Variants in ATP1A3 observed in about 807,000 individuals in gnomAD.
ATP1A3 encodes sodium/potassium-transporting ATPase subunit alpha-3.
Under a neutral mutation model 108.8 loss-of-function variants are expected in ATP1A3, and 12 were observed. The ratio of observed to expected loss-of-function variants is 0.11; its 90% confidence interval spans 0.07 to 0.18. The LOEUF (loss-of-function observed/expected upper bound fraction) is 0.18. Ranked by LOEUF, ATP1A3 falls within the 10% of genes least tolerant of loss-of-function variation. The probability of loss-of-function intolerance (pLI) is 1.00; values close to 1 mark genes in which losing one functional copy is unlikely to be tolerated. For synonymous variants in ATP1A3, 539 were observed against 564.5 expected (o/e 0.95, Z 0.64); for missense variants, 498 against 1,387.7 (o/e 0.36, Z 10.19).
At position 41,988,423 on chromosome 19, in the gene ATP1A3, C is replaced by T; in HGVS notation, c.94-46G>A. On this transcript the variant is annotated intron_variant, in intron 2 of 22. Coordinates refer to ENST00000648268, the MANE Select transcript of ATP1A3 (RefSeq NM_152296.5). This position sits in a 1 kb window ranked among gnomAD's most constrained non-coding sequence, Gnocchi z 5.3. ...GGAGACGGTGAGTGCCTAGGCCAGC[C>T]AAGAACTGGCGAGGTTCTCTGGGAG... is the stretch of plus-strand genomic sequence containing the variant. The T allele has an allele frequency of 1.2e-6, 2 of 1,614,162 alleles. No homozygotes were observed. The highest frequency in any genetic ancestry group is 1.7e-6 in the Non-Finnish European group (2 of 1,180,020).
chr19:41,970,174 C>G lies in ATP1A3; in HGVS notation c.2542+11G>C. ...CTGGGTGGTAAGGAGATGGAGTCCC[C>G]GGTGCCTCACCAATCTGCCCGTAGG... On this transcript the variant is annotated intron_variant, in intron 18 of 22. Coordinates refer to ENST00000648268, the MANE Select transcript of ATP1A3 (RefSeq NM_152296.5). The G allele has an allele frequency of 6.2e-7, 1 of 1,614,210 alleles. No homozygotes were observed. The highest frequency in any genetic ancestry group is 8.5e-7 in the Non-Finnish European group (1 of 1,180,036).
rs561871367 is a variant in ATP1A3 at position 41,970,951 on chromosome 19, C to T, written c.2264-409G>A. 7.0e-4 allele frequency among the ~76,000 whole-genome samples: 106 copies of T among 150,926 alleles called. 1 individual carries two copies. Among genetic ancestry groups the T allele is most frequent in the African/African-American group, 2.5e-3 (103 of 41,124 alleles). On this transcript the variant is annotated intron_variant, in intron 16 of 22. Coordinates refer to ENST00000648268, the MANE Select transcript of ATP1A3 (RefSeq NM_152296.5). ...CCGGCCTGTCCAGCGTCCTTTTCTA[C>T]CCCCCAGCCCACCCACCATTATTTT...
chr19:41,993,649 G>A lies in ATP1A3; in HGVS notation c.6+422C>T, dbSNP rs2075361373. The A allele has an allele frequency of 3.5e-5, 23 of 662,432 alleles. No individual in the cohort carries two copies. In the South Asian group the frequency reaches 3.9e-4, roughly 11 times the overall value. The allele number at this position is 662,432 out of a possible 1,614,324, so 41.0% of individuals were successfully genotyped here. On this transcript the variant is annotated intron_variant, in intron 1 of 22. Transcript: ENST00000648268. ...TCCGCACCCTGCCAGGGAAGCAGGG[G>A]GGCCTCAATAACCCCAGACGCACTA...
intron 18 of ATP1A3, 39 bp from the exon 19 acceptor site, chr19:41,969,619 T>A: frequency 6.2e-7 from 1 of 1,611,358 alleles, no homozygotes; most frequent in Non-Finnish European, 8.5e-7. Flanking sequence ...GAGGCTCAGA[T>A]TGGGGCCAGC....
intron 1 of ATP1A3, among the ~76,000 whole-genome samples, chr19:41,989,243 A>G (rs2075313825): frequency 6.8e-6 from 1 of 146,858 alleles, no homozygotes; most frequent in African/African-American, 2.5e-5. Context: ...CCCCACCTCT[A>G]TGTGACATTT....
chr19:41,971,810 G>T (rs2075112825), intron 16 of ATP1A3, among the ~76,000 whole-genome samples: 1 of 152,138 alleles, frequency 6.6e-6, no homozygotes, highest in African/African-American at 2.4e-5. Flanking sequence ...GGGTCTGGTG[G>T]TTGCATGGCT....
chr19:41,978,134 G>A lies in ATP1A3; in HGVS notation c.1806+17C>T. 1.2e-6 allele frequency: 2 copies of A among 1,614,180 alleles called. No individual in the cohort carries two copies. The highest frequency in any genetic ancestry group is 1.7e-6 in the Non-Finnish European group (2 of 1,180,032). On this transcript the variant is annotated intron_variant, in intron 13 of 22. Transcript: ENST00000648268. The surrounding 1 kb of genome is among the most constrained non-coding windows in gnomAD (Gnocchi z 8.3). ...CCCACGCCTGGCTTTGCCTCCCCCA[G>A]CCACCCCAAGCCACACCTTGATGCC...
At position 41,993,513 on chromosome 19, in the gene ATP1A3, A is replaced by G. The variant is rs1599731034; in HGVS notation, c.6+558T>C. The G allele has an allele frequency of 7.5e-6, 7 of 932,290 alleles. No homozygotes were observed. In the African/African-American group the frequency reaches 8.4e-5, roughly 11 times the overall value. 57.8% of individuals were successfully genotyped at this position (932,290 alleles called of 1,614,324 possible). The stretch of plus-strand genomic sequence containing the variant: ...CACTGCGGAGCCTGCACACACACAC[A>G]CACACACACACACACACACACACAC... On this transcript the variant is annotated intron_variant, in intron 1 of 22. Transcript: ENST00000648268.
In ATP1A3 at chr19:41,993,445, C is replaced by T. The variant is rs1250683305; in HGVS notation, c.6+626G>A. ...CCAGCCTCCCATGCCTGCTCCCCTACATGAGGGGCTGCACACACACACACT... is the reference window on the plus strand; with the variant it reads ...CCAGCCTCCCATGCCTGCTCCCCTATATGAGGGGCTGCACACACACACACT... On this transcript the variant is annotated intron_variant, in intron 1 of 22. Coordinates refer to ENST00000648268, the MANE Select transcript of ATP1A3 (RefSeq NM_152296.5). The T allele has an allele frequency of 2.0e-6, 3 of 1,535,084 alleles. No individual in the cohort carries two copies. The African/African-American group carries it at 4.1e-5, about 21-fold the overall frequency.
intron 1 of ATP1A3, among the ~76,000 whole-genome samples, chr19:41,990,658 T>TC (rs1568868397): frequency 2.3e-5 from 3 of 130,496 alleles, no homozygotes; most frequent in Admixed American, 8.2e-5. Context: ...CTCTCTCTCT[T>TC]TCTCTCTCTC....
chr19:41,968,751 G>A lies in ATP1A3; in HGVS notation c.2819+34C>T. On this transcript the variant is annotated intron_variant, in intron 20 of 22. Transcript: ENST00000648268. This position sits in a 1 kb window ranked among gnomAD's most constrained non-coding sequence, Gnocchi z 5.0. ...AGACAGACACTCGGACAGGACAGAT[G>A]GCTGTCCAGTCACCATGTGCCCCCG... 1.2e-6 allele frequency: 2 copies of A among 1,613,016 alleles called. No homozygotes were observed. Among genetic ancestry groups the A allele is most frequent in the Non-Finnish European group, 1.7e-6 (2 of 1,179,226 alleles).
In ATP1A3 at chr19:41,967,471, C is replaced by T. The variant is rs1293390059; in HGVS notation, c.2922-131G>A. The T allele has an allele frequency of 1.5e-5, 19 of 1,239,850 alleles. No homozygotes were observed. The highest frequency in any genetic ancestry group is 3.0e-5 in the African/African-American group (2 of 66,060). 76.8% of individuals were successfully genotyped at this position (1,239,850 alleles called of 1,614,324 possible). On this transcript the variant is annotated intron_variant, in intron 21 of 22. Coordinates refer to ENST00000648268, the MANE Select transcript of ATP1A3 (RefSeq NM_152296.5). This position sits in a 1 kb window ranked among gnomAD's most constrained non-coding sequence, Gnocchi z 4.2. Reference sequence around the variant, plus strand: ...GCTCACAGGTGGAGGGTGCCCTGGGCGGGGCTGGGGCCTGGGGTCTTCGGA... The same window carrying T: ...GCTCACAGGTGGAGGGTGCCCTGGGTGGGGCTGGGGCCTGGGGTCTTCGGA...
At position 41,975,660 on chromosome 19, in the gene ATP1A3, G is replaced by A; in HGVS notation, c.2232C>T (p.Asn744=). 6.2e-7 allele frequency: 1 copy of A among 1,614,128 alleles called. No homozygotes were observed. The highest frequency in any genetic ancestry group is 8.5e-7 in the Non-Finnish European group (1 of 1,179,994). ...QAADMILLDD[N]FASIVTGVEE... ...CCACCCCTGTGACGATGGAGGCAAA[G>A]TTGTCGTCCAGCAGGATCATGTCAG... Residue 744 remains asparagine, a synonymous_variant, in exon 16 of 23, where the codon AAC becomes AAT. Coordinates refer to ENST00000648268, the MANE Select transcript of ATP1A3 (RefSeq NM_152296.5).
chr19:41,974,522 A>G (rs2075145728), intron 16 of ATP1A3, among the ~76,000 whole-genome samples: 1 of 152,180 alleles, frequency 6.6e-6, no homozygotes, highest in Non-Finnish European at 1.5e-5. Context: ...TATAGGAGAC[A>G]AGGGCTGAGG....
chr19:41,986,046 G>T (rs782094126), intron 5 of ATP1A3, 48 bp from the exon 6 acceptor site: 2 of 1,614,100 alleles, frequency 1.2e-6, no homozygotes, highest in Admixed American at 3.3e-5. Context: ...CTCTGCCTGG[G>T]GGTCACTGGG....
intron 4 of ATP1A3, chr19:41,986,640 A>C (rs1320151588): frequency 4.0e-6 from 1 of 248,042 alleles, no homozygotes; most frequent in Non-Finnish European, 7.9e-6. Context: ...ATGGGGCTTC[A>C]CCATGTTGGC....
At chr19:41,970,568 G>A in intron 16 of ATP1A3, 26 bp from the exon 17 acceptor site, 1 of 1,613,656 alleles carries the variant, frequency 6.2e-7, no homozygotes, top group Middle Eastern at 1.7e-4. Context: ...GCTCAGAGCA[G>A]GCGCCCATGC....
At chr19:41,987,461 G>A (rs1460565329) in intron 4 of ATP1A3, among the ~76,000 whole-genome samples, 5 of 152,112 alleles carry the variant, frequency 3.3e-5, no homozygotes, top group Admixed American at 6.6e-5. Flanking sequence ...GTGCACATGC[G>A]TGTGTGTGCA....
chr19:41,966,794 G>C lies in ATP1A3; in HGVS notation c.*143C>G, dbSNP rs1555858620. 2 of 1,444,204 alleles carry C rather than the reference G, an allele frequency of 1.4e-6. No individual in the cohort carries two copies. The highest frequency in any genetic ancestry group is 1.9e-6 in the Non-Finnish European group (2 of 1,057,986). The allele number at this position is 1,444,204 out of a possible 1,614,324, so 89.5% of individuals were successfully genotyped here. ...AAGCCAGCCAGAGTGGGGGCGGCAG[G>C]AGATAGTGGAGGGGGTGGGGGCCAA... On this transcript the variant is annotated 3_prime_UTR_variant, in exon 23 of 23. Coordinates refer to ENST00000648268, the MANE Select transcript of ATP1A3 (RefSeq NM_152296.5).
Sources: gnomAD v4.1 joint callset for allele counts (sites outside exome capture counted in the v4.1 genomes callset) on GRCh38, gnomAD v4.1.1 for gene constraint, Gnocchi (gnomAD v3.1) non-coding constraint, MANE v1.5 for transcripts, NCBI Gene and HGNC (gene_info 2026-07-23, HGNC 2026-07-21) for gene names.